The following FER variants were observed in gnomAD, a reference collection of about 807,000 sequenced individuals.
FER encodes the protein tyrosine-protein kinase Fer.
A neutral mutation model predicts 111.0 loss-of-function variants in FER; 63 were observed. That is an observed-to-expected ratio of 0.57 (90% CI 0.46 to 0.70). FER has a LOEUF of 0.70. Among genes scored for constraint, FER ranks in the 30% least tolerant of loss-of-function variants. FER has a pLI of 0.00. For synonymous variants in FER, 327 were observed against 313.9 expected (o/e 1.04, Z -0.44); for missense variants, 914 against 954.0 (o/e 0.96, Z 0.55).
In FER at chr5:109,073,946, G is replaced by A. The variant is rs113798307; in HGVS notation, c.1925-26450G>A. Among the ~76,000 whole-genome samples, 844 of 152,056 alleles carry A rather than the reference G, an allele frequency of 5.6e-3. 11 individuals carry two copies. Among genetic ancestry groups the A allele is most frequent in the African/African-American group, 0.019 (779 of 41,498 alleles). On this transcript the variant is annotated intron_variant, in intron 16 of 19. Coordinates refer to ENST00000281092, the MANE Select transcript of FER (RefSeq NM_005246.4). The stretch of plus-strand genomic sequence containing the variant: ...TTACTTGGATAAAGCTTTAAATATT[G>A]AGTAAAAGAATCATTACCTAAAAAT...
chr5:109,082,559 G>A (rs565764027), intron 16 of FER, among the ~76,000 whole-genome samples: 92 of 152,036 alleles, frequency 6.1e-4, no homozygotes, highest in Middle Eastern at 3.4e-3. Flanking sequence ...GACAGCACGT[G>A]TAAACTATTA....
intron 6 of FER, among the ~76,000 whole-genome samples, chr5:108,871,020 G>C (rs1340554191): frequency 2.0e-5 from 3 of 152,054 alleles, no homozygotes; most frequent in Non-Finnish European, 4.4e-5. Flanking sequence ...GAGTTGATCA[G>C]AGTTCCATGT....
chr5:109,024,125 A>G (rs969171519), intron 13 of FER, among the ~76,000 whole-genome samples: 4 of 152,194 alleles, frequency 2.6e-5, no homozygotes, highest in Non-Finnish European at 5.9e-5. Flanking sequence ...TTCAAGCTCA[A>G]GCAGTTTCGC....
chr5:109,010,306 C>T (rs1017793105), intron 13 of FER, among the ~76,000 whole-genome samples: 6 of 151,988 alleles, frequency 3.9e-5, no homozygotes, highest in Non-Finnish European at 7.4e-5. Context: ...TACAGGCGCC[C>T]GCCACCACGC....
At chr5:109,000,318 G>A (rs970345753) in intron 13 of FER, among the ~76,000 whole-genome samples, 3 of 151,562 alleles carry the variant, frequency 2.0e-5, no homozygotes, top group Non-Finnish European at 4.4e-5. Flanking sequence ...AATATATAGA[G>A]TACATTTGTT....
At chr5:109,102,356 G>A (rs1400056526) in intron 17 of FER, among the ~76,000 whole-genome samples, 1 of 152,072 alleles carries the variant, frequency 6.6e-6, no homozygotes, top group African/African-American at 2.4e-5. Context: ...AACAATGTCA[G>A]TGAGAGCGGG....
chr5:108,832,626 C>A (rs960734547), intron 3 of FER, 144 bp from the exon 4 acceptor site: 2 of 499,716 alleles, frequency 4.0e-6, no homozygotes, highest in Admixed American at 4.1e-5. Flanking sequence ...ATTCATAGAT[C>A]TTTGAACAGT....
At chr5:108,979,043 A>G (rs1022844561) in intron 13 of FER, among the ~76,000 whole-genome samples, 4 of 152,178 alleles carry the variant, frequency 2.6e-5, no homozygotes, top group African/African-American at 9.6e-5. Context: ...ATTATTCTCA[A>G]TATCATAGAT....
chr5:109,162,886 G>T (rs1231208644), intron 17 of FER, among the ~76,000 whole-genome samples: 1 of 151,638 alleles, frequency 6.6e-6, no homozygotes, highest in Admixed American at 6.6e-5. Context: ...ACAATAAAAT[G>T]CACCAATTTT....
intron 13 of FER, among the ~76,000 whole-genome samples, chr5:108,989,713 T>G (rs1207041526): frequency 6.6e-6 from 1 of 152,030 alleles, no homozygotes; most frequent in Non-Finnish European, 1.5e-5. Context: ...TGCATCTTGA[T>G]GATTAGTATT....
intron 11 of FER, among the ~76,000 whole-genome samples, chr5:108,950,222 C>T (rs1454667533): frequency 6.6e-6 from 1 of 152,056 alleles, no homozygotes; most frequent in Non-Finnish European, 1.5e-5. Flanking sequence ...TTGTTTAATA[C>T]AAGTTTTAGA....
chr5:108,837,448 A>G (rs187209667), intron 5 of FER, among the ~76,000 whole-genome samples: 1 of 152,326 alleles, frequency 6.6e-6, no homozygotes, highest in East Asian at 1.9e-4. Context: ...TAATCTGTCA[A>G]AATAGTTAAT....
intron 2 of FER, among the ~76,000 whole-genome samples, chr5:108,783,013 A>G (rs948816082): frequency 6.6e-6 from 1 of 152,186 alleles, no homozygotes; most frequent in Non-Finnish European, 1.5e-5. Flanking sequence ...TGATTTCTGT[A>G]GCTCTACAGC....
intron 3 of FER, among the ~76,000 whole-genome samples, chr5:108,809,705 A>G (rs565085059): frequency 1.3e-5 from 2 of 152,128 alleles, no homozygotes; most frequent in East Asian, 1.9e-4. Flanking sequence ...TGGGACTACA[A>G]GTGTGGACCA....
intron 13 of FER, among the ~76,000 whole-genome samples, chr5:108,996,364 A>C (rs1238177460): frequency 6.6e-6 from 1 of 152,148 alleles, no homozygotes; most frequent in African/African-American, 2.4e-5. Flanking sequence ...GGTAATGCCT[A>C]GGTTTTCTTC....
At chr5:109,130,747 A>G (rs996093127) in intron 17 of FER, among the ~76,000 whole-genome samples, 10 of 152,068 alleles carry the variant, frequency 6.6e-5, no homozygotes, top group Non-Finnish European at 1.3e-4. Flanking sequence ...TGGACTAGCT[A>G]TGTTTCAGCT....
At chr5:109,179,059 A>G (rs1458061858) in intron 17 of FER, among the ~76,000 whole-genome samples, 1 of 152,200 alleles carries the variant, frequency 6.6e-6, no homozygotes, top group Non-Finnish European at 1.5e-5. Context: ...TTTGCTGCTT[A>G]CAAGAATACT....
intron 10 of FER, among the ~76,000 whole-genome samples, chr5:108,923,349 T>C (rs72793903): frequency 6.6e-6 from 1 of 150,604 alleles, no homozygotes; most frequent in Admixed American, 6.6e-5. Context: ...AATTAAAAAA[T>C]TTTTTTTTGA....
chr5:108,768,800 T>C (rs1247688736), intron 2 of FER, among the ~76,000 whole-genome samples: 2 of 151,964 alleles, frequency 1.3e-5, no homozygotes, highest in African/African-American at 4.8e-5. Flanking sequence ...AAAAATAAAT[T>C]GACAAAACAA....
Sources: gnomAD v4.1 joint callset for allele counts (sites outside exome capture counted in the v4.1 genomes callset) on GRCh38, gnomAD v4.1.1 for gene constraint, MANE v1.5 for transcripts, NCBI Gene and HGNC (gene_info 2026-07-23, HGNC 2026-07-21) for gene names.